The following GMPR variants were observed in gnomAD, a reference collection of about 807,000 sequenced individuals.
The protein encoded by GMPR is guanosine monophosphate reductase, also known as GMP reductase 1.
Under a neutral mutation model 38.4 loss-of-function variants are expected in GMPR, and 31 were observed. The ratio of observed to expected loss-of-function variants is 0.81; its 90% CI spans 0.61 to 1.09. GMPR has a LOEUF of 1.09. GMPR is among the 50% of genes least tolerant of loss of function. The pLI, the probability that GMPR is intolerant of heterozygous loss-of-function variation, is 0.00. For missense variants in GMPR, 468 were observed against 453.7 expected (o/e 1.03, Z -0.29); for synonymous variants, 162 against 173.3 (o/e 0.93, Z 0.51).
At chr6:16,269,816 A>G (rs1759346440) in intron 4 of GMPR, among the ~76,000 whole-genome samples, 1 of 152,214 alleles carries the variant, frequency 6.6e-6, no homozygotes, top group African/African-American at 2.4e-5. Context: ...TAAATAAATA[A>G]TACAAATCAG....
intron 5 of GMPR, 77 bp from the exon 6 acceptor site, chr6:16,278,707 G>T: frequency 9.9e-7 from 1 of 1,013,538 alleles, no homozygotes. Flanking sequence ...GGCTGCAAAG[G>T]TAAGGGGGAC....
intron 6 of GMPR, among the ~76,000 whole-genome samples, chr6:16,282,646 G>C (rs1759595712): frequency 6.6e-6 from 1 of 152,194 alleles, no homozygotes; most frequent in Non-Finnish European, 1.5e-5. Context: ...AAGTTCAAAA[G>C]AGTTGCTGGT....
chr6:16,243,787 G>A (rs916103532), intron 1 of GMPR, among the ~76,000 whole-genome samples: 1 of 152,120 alleles, frequency 6.6e-6, no homozygotes, highest in African/African-American at 2.4e-5. Context: ...AAGTACTCAG[G>A]ATCCTGGATC....
chr6:16,274,681 T>A (rs973264433), intron 5 of GMPR, among the ~76,000 whole-genome samples, 185 bp downstream of exon 5: 1 of 152,178 alleles, frequency 6.6e-6, no homozygotes, highest in African/African-American at 2.4e-5. Context: ...ATTGTTGAGC[T>A]GCTTTTTGAT....
At chr6:16,242,699 C>T (rs369541795) in intron 1 of GMPR, among the ~76,000 whole-genome samples, 14 of 152,160 alleles carry the variant, frequency 9.2e-5, no homozygotes, top group African/African-American at 2.9e-4. Context: ...AGTACAATGG[C>T]GTGATCTTGT....
chr6:16,243,939 G>A lies in GMPR; in HGVS notation c.88-2903G>A, dbSNP rs145894199. Among the ~76,000 whole-genome samples, 781 of 152,306 alleles carry A rather than the reference G, an allele frequency of 5.1e-3. 3 individuals are homozygous for A. The highest frequency in any genetic ancestry group is 6.6e-3 in the Non-Finnish European group (452 of 68,034). ...GTGGCAGTTGTTCATGGAAAAGTAC[G>A]TGGGTATGCACACAGCTTTGTGTGC... On this transcript the variant is annotated intron_variant, in intron 1 of 8. Transcript: ENST00000259727.
chr6:16,252,336 TG>T, intron 3 of GMPR, among the ~76,000 whole-genome samples: 1 of 152,326 alleles, frequency 6.6e-6, no homozygotes, highest in East Asian at 1.9e-4. Context: ...CTCTGCTCAC[TG>T]CAGCCTCCAC....
At chr6:16,276,570 G>C (rs1740407353) in intron 5 of GMPR, among the ~76,000 whole-genome samples, 1 of 152,104 alleles carries the variant, frequency 6.6e-6, no homozygotes, top group Non-Finnish European at 1.5e-5. Flanking sequence ...AAGCTGTATT[G>C]TCCTTCTGCT....
At chr6:16,289,192 A>AC (rs1207458094) in intron 7 of GMPR, among the ~76,000 whole-genome samples, 3 of 152,014 alleles carry the variant, frequency 2.0e-5, no homozygotes, top group East Asian at 1.9e-4. Context: ...GCTAGCGCAG[A>AC]CCCCAACCCC....
chr6:16,246,708 C>G (rs774714347), intron 1 of GMPR, 134 bp from the exon 2 acceptor site: 3 of 813,628 alleles, frequency 3.7e-6, no homozygotes, highest in Non-Finnish European at 5.8e-6. Context: ...GAATACCTGT[C>G]TTTGACCCCT....
intron 8 of GMPR, among the ~76,000 whole-genome samples, chr6:16,294,742 T>C (rs78609940): frequency 0.019 from 2,945 of 152,328 alleles, 78 homozygotes; most frequent in African/African-American, 0.059. Flanking sequence ...CTTCAAGCGC[T>C]GCTCACCAGG....
intron 7 of GMPR, among the ~76,000 whole-genome samples, chr6:16,289,740 C>G (rs1414198056): frequency 1.3e-5 from 2 of 150,754 alleles, no homozygotes; most frequent in African/African-American, 2.4e-5. Context: ...CAGGGAGTGT[C>G]AGAGTGTGGA....
intron 4 of GMPR, among the ~76,000 whole-genome samples, chr6:16,266,783 C>A (rs745409390): frequency 6.6e-6 from 1 of 151,332 alleles, no homozygotes; most frequent in African/African-American, 2.4e-5. Flanking sequence ...AGCGAGACTC[C>A]GTCTCAAAAA....
intron 4 of GMPR, among the ~76,000 whole-genome samples, chr6:16,260,773 G>A (rs561398864): frequency 7.0e-4 from 106 of 152,006 alleles, no homozygotes; most frequent in African/African-American, 2.3e-3. Flanking sequence ...GGTGAGGAAC[G>A]GCAAAGAAGG....
At chr6:16,288,477 T>TA (rs1015597032) in intron 7 of GMPR, among the ~76,000 whole-genome samples, 12 of 152,210 alleles carry the variant, frequency 7.9e-5, no homozygotes, top group Admixed American at 4.6e-4. Context: ...TGGCTGGGCC[T>TA]TAGCTGCCTC....
intron 8 of GMPR, 137 bp downstream of exon 8, chr6:16,290,758 A>G (rs987133252): frequency 1.4e-6 from 1 of 699,446 alleles, no homozygotes; most frequent in Non-Finnish European, 2.4e-6. Flanking sequence ...AAGACCCCTA[A>G]TTTGTATCCA....
chr6:16,295,281 C>A lies in GMPR; in HGVS notation c.*95C>A. Reference sequence around the variant, plus strand: ...TCTGTTCCGTCAGAGCTTCTGGCTGCTCCTGAATGGTGGAATGCTGTGTCC... The same window carrying A: ...TCTGTTCCGTCAGAGCTTCTGGCTGATCCTGAATGGTGGAATGCTGTGTCC... On this transcript the variant is annotated 3_prime_UTR_variant, in exon 9 of 9. Coordinates refer to ENST00000259727, the MANE Select transcript of GMPR (RefSeq NM_006877.4). 1.1e-6 allele frequency: 1 copy of A among 930,018 alleles called. No individual in the cohort carries two copies. Among genetic ancestry groups the A allele is most frequent in the South Asian group, 2.0e-5 (1 of 49,296 alleles). The allele number at this position is 930,018 out of a possible 1,614,324, so 57.6% of individuals were successfully genotyped here. A position where few individuals can be genotyped will look rare whatever the true frequency, so the allele number is the denominator to read the frequency against.
intron 1 of GMPR, among the ~76,000 whole-genome samples, chr6:16,241,978 A>T (rs555651164): frequency 2.0e-5 from 3 of 152,074 alleles, no homozygotes; most frequent in Non-Finnish European, 4.4e-5. Flanking sequence ...ACTTCAGGTG[A>T]TCTGCCTGCC....
intron 3 of GMPR, among the ~76,000 whole-genome samples, chr6:16,253,105 G>T (rs1758906854): frequency 6.6e-6 from 1 of 152,238 alleles, no homozygotes; most frequent in South Asian, 2.1e-4. Context: ...TGAGGTTCAG[G>T]GGCACTGGTG....
Sources: gnomAD v4.1 joint callset for allele counts (sites outside exome capture counted in the v4.1 genomes callset) on GRCh38, gnomAD v4.1.1 for gene constraint, MANE v1.5 for transcripts, NCBI Gene and HGNC (gene_info 2026-07-23, HGNC 2026-07-21) for gene names.